The following LIMA1 variants were observed in gnomAD, a reference collection of about 807,000 sequenced individuals.
The protein encoded by LIMA1 is LIM domain and actin binding 1.
Under a neutral mutation model 62.6 loss-of-function variants are expected in LIMA1, and 52 were observed. The observed-to-expected ratio is 0.83, with a 90% CI of 0.67 to 1.05. LIMA1 has a LOEUF of 1.05. LIMA1 is among the 50% of genes least tolerant of loss of function. The pLI is 0.00. For synonymous variants in LIMA1, 302 were observed against 317.8 expected, an observed-to-expected ratio of 0.95 and a Z score of 0.53; for missense variants, 780 against 902.2, an observed-to-expected ratio of 0.86 and a Z score of 1.74.
intron 2 of LIMA1, among the ~76,000 whole-genome samples, chr12:50,247,509 G>A (rs1191946109): frequency 6.6e-6 from 1 of 152,002 alleles, no homozygotes; most frequent in African/African-American, 2.4e-5. Context: ...GCCTTTTGAT[G>A]ATTACAGCTC....
chr12:50,202,579 C>T (rs1234487057), intron 6 of LIMA1, among the ~76,000 whole-genome samples: 1 of 152,188 alleles, frequency 6.6e-6, no homozygotes, highest in Non-Finnish European at 1.5e-5. Flanking sequence ...TTCACATTCA[C>T]GGTGCATAAT....
At chr12:50,179,512 ACT>A (rs1940443782) in intron 10 of LIMA1, among the ~76,000 whole-genome samples, 2 of 148,694 alleles carry the variant, frequency 1.3e-5, no homozygotes, top group South Asian at 4.3e-4. Context: ...ATCTCAGCTC[ACT>A]GCAAGCTCCG....
rs3073660 is a variant in LIMA1 at position 50,263,785 on chromosome 12, CTGTGTGTGTGTGTG to C, written c.-23-15025_-23-15012del. 2.6e-3 allele frequency among the ~76,000 whole-genome samples: 340 copies of C among 131,374 alleles called. 1 individual carries two copies. Among genetic ancestry groups the C allele is most frequent in the African/African-American group, 9.7e-3 (333 of 34,226 alleles). The allele number at this position is 131,374 out of a possible 152,430, so 86.2% of individuals were successfully genotyped here. On this transcript the variant is annotated intron_variant, in intron 1 of 10. Transcript: ENST00000341247. ...CATGGGATCCAGCAATTCCATTCCTCTGTGTGTGTGTGTGTGTGTGTGTGTGTGTCTATATATAT... is the reference window on the plus strand; with the variant it reads ...CATGGGATCCAGCAATTCCATTCCTCTGTGTGTGTGTGTGTCTATATATAT...
intron 1 of LIMA1, among the ~76,000 whole-genome samples, chr12:50,258,743 C>G (rs10783343): frequency 0.65 from 97,337 of 149,000 alleles, 33,753 homozygotes; most frequent in East Asian, 0.9. Flanking sequence ...TGCCTCCCGG[C>G]TTCAAGCCAC....
intron 4 of LIMA1, among the ~76,000 whole-genome samples, chr12:50,219,097 G>A (rs1167460295): frequency 6.6e-6 from 1 of 152,180 alleles, no homozygotes; most frequent in African/African-American, 2.4e-5. Context: ...GTTGGGGGAT[G>A]AGTATTCCAA....
intron 3 of LIMA1, among the ~76,000 whole-genome samples, chr12:50,230,516 AG>A (rs1288858926): frequency 6.6e-6 from 1 of 152,204 alleles, no homozygotes; most frequent in Non-Finnish European, 1.5e-5. Context: ...GCAAGAGGGA[AG>A]GAAGAAAAGA....
At position 50,222,354 on chromosome 12, in the gene LIMA1, G is replaced by C. The variant is rs1941458416; in HGVS notation, c.297C>G (p.His99Gln). ...SLRNSSTEIR[H>Q]RADHPPAEVT... ...CTTCAGCAGGAGGATGGTCTGCTCT[G>C]TGCCTAATCTCAGTGCTGCTGTTCC... The change falls in exon 4 of 11, where the codon CAC becomes CAG. Residue 99 changes from histidine to glutamine, a missense_variant. Transcript: ENST00000341247. 2 of 1,614,162 alleles carry C rather than the reference G, an allele frequency of 1.2e-6. No homozygotes were observed. The highest frequency in any genetic ancestry group is 1.3e-5 in the African/African-American group (1 of 75,034).
At position 50,218,855 on chromosome 12, in the gene LIMA1, C is replaced by T. The variant is rs559235613; in HGVS notation, c.630+3166G>A. 9.3e-5 allele frequency among the ~76,000 whole-genome samples: 14 copies of T among 150,254 alleles called. No individual in the cohort carries two copies. The East Asian group carries it at 2.7e-3, about 29-fold the overall frequency. On this transcript the variant is annotated intron_variant, in intron 4 of 10. Coordinates refer to ENST00000341247, the MANE Select transcript of LIMA1 (RefSeq NM_016357.5). ...AGTGAGCCATAACTGTACCACTGTA[C>T]TCCTCCAGCCTGGGCAACAGAGTTA... is the stretch of plus-strand genomic sequence containing the variant.
intron 1 of LIMA1, among the ~76,000 whole-genome samples, chr12:50,282,927 G>T (rs1253855567): frequency 6.6e-6 from 1 of 152,204 alleles, no homozygotes; most frequent in South Asian, 2.1e-4. Context: ...CACATCGGCT[G>T]CAAGGACTGC....
At chr12:50,223,083 T>C (rs1282859754) in intron 3 of LIMA1, among the ~76,000 whole-genome samples, 2 of 152,242 alleles carry the variant, frequency 1.3e-5, no homozygotes, top group Non-Finnish European at 2.9e-5. Flanking sequence ...TATTTAGTTA[T>C]ATCTGACATA....
intron 6 of LIMA1, chr12:50,201,452 C>T (rs1941049022): frequency 1.0e-6 from 1 of 979,016 alleles, no homozygotes; most frequent in African/African-American, 1.7e-5. Context: ...ATATATTGTA[C>T]TAAAGACATA....
chr12:50,177,595 TGAA>T lies in LIMA1; in HGVS notation c.1746_1748del (p.Ser583del), dbSNP rs776021559. 1.4e-5 allele frequency: 22 copies of T among 1,611,378 alleles called. No individual in the cohort carries two copies. Among genetic ancestry groups the T allele is most frequent in the Non-Finnish European group, 1.9e-5 (22 of 1,178,912 alleles). ...TGAATGGGCGGCTTCTTTCCTTCAGTGAAGAAGATCGTCTTAGCTTCTTCAGAT... is the reference window on the plus strand; with the variant it reads ...TGAATGGGCGGCTTCTTTCCTTCAGTGAAGATCGTCTTAGCTTCTTCAGAT... On this transcript the variant is annotated inframe_deletion, in exon 11 of 11. Transcript: ENST00000341247.
chr12:50,283,151 G>A (rs1942360118), intron 1 of LIMA1, among the ~76,000 whole-genome samples: 1 of 152,104 alleles, frequency 6.6e-6, no homozygotes, highest in South Asian at 2.1e-4. Context: ...CAGTTAGAAT[G>A]CAGTGTTCTC....
intron 2 of LIMA1, among the ~76,000 whole-genome samples, chr12:50,243,335 T>C (rs1458876187): frequency 6.6e-6 from 1 of 152,216 alleles, no homozygotes; most frequent in African/African-American, 2.4e-5. Flanking sequence ...TTCCTACTGT[T>C]TTTAGCTAGG....
intron 1 of LIMA1, among the ~76,000 whole-genome samples, chr12:50,276,246 G>A (rs1475927392): frequency 6.6e-6 from 1 of 152,070 alleles, no homozygotes; most frequent in Non-Finnish European, 1.5e-5. Flanking sequence ...GCCAAACTTG[G>A]GGATTGATCA....
At chr12:50,185,930 G>T in intron 9 of LIMA1, 1 of 154,880 alleles carries the variant, frequency 6.5e-6, no homozygotes, top group Admixed American at 6.3e-5. Flanking sequence ...TATTATTTAA[G>T]GTTTATGCAG....
rs774628791 is a variant in LIMA1, at chr12:50,181,951, C to T, written c.1227G>A (p.Val409=). The T allele has an allele frequency of 1.4e-5, 22 of 1,613,832 alleles. No individual in the cohort carries two copies. The highest frequency in any genetic ancestry group is 3.4e-4 in the Middle Eastern group (2 of 5,874). The change falls in exon 10 of 11, where the codon GTG becomes GTA. Residue 409 remains valine, a synonymous_variant. Transcript: ENST00000341247. ...PMERLLANQQ[V]FHISCFRCSY... ...AGCAACGGAAGCAGCTGATGTGAAACACCTGCTGGTTGGCCAAGAGACGCT... is the reference window on the plus strand; with the variant it reads ...AGCAACGGAAGCAGCTGATGTGAAATACCTGCTGGTTGGCCAAGAGACGCT...
At chr12:50,208,048 A>G (rs1565841050) in intron 4 of LIMA1, among the ~76,000 whole-genome samples, 1 of 152,058 alleles carries the variant, frequency 6.6e-6, no homozygotes, top group African/African-American at 2.4e-5. Context: ...TTCAATATAT[A>G]TTTAATATAT....
At chr12:50,223,453 A>C (rs142307115) in intron 3 of LIMA1, among the ~76,000 whole-genome samples, 2,689 of 151,462 alleles carry the variant, frequency 0.018, 82 homozygotes, top group African/African-American at 0.061. Context: ...ACTACACTCC[A>C]GCCTGGGTGA....
Sources: allele counts gnomAD v4.1 joint callset (sites outside exome capture counted in the v4.1 genomes callset), GRCh38; gene constraint gnomAD v4.1.1; transcripts MANE v1.5; gene names NCBI Gene and HGNC (gene_info 2026-07-23, HGNC 2026-07-21).